ATAD3B: variants seen among roughly 807,000 people sequenced by gnomAD.
The protein encoded by ATAD3B is ATPase family AAA domain-containing protein 3B.
In ATAD3B, 59 loss-of-function variants were observed where a neutral mutation model predicts 70.2. The ratio of observed to expected loss-of-function variants is 0.84; its 90% CI spans 0.68 to 1.04. ATAD3B has a LOEUF of 1.04. Ranked by LOEUF, ATAD3B falls within the 50% of genes least tolerant of loss-of-function variation. The probability of loss-of-function intolerance (pLI) is 0.00; values close to 1 mark genes in which losing one functional copy is unlikely to be tolerated. For missense variants in ATAD3B, 961 were observed against 913.4 expected, an observed-to-expected ratio of 1.05 and a Z score of -0.67; for synonymous variants, 423 against 388.6, an observed-to-expected ratio of 1.09 and a Z score of -1.04.
At chr1:1,497,966 G>C (rs1340011936), downstream of ATAD3B, 1 of 150,906 alleles carries the variant, frequency 6.6e-6, no homozygotes, top group Non-Finnish European at 1.5e-5. Context: ...ATGAGTTTGA[G>C]AACAGCATGG....
In ATAD3B at chr1:1,489,833, C is replaced by A. The variant is rs764812345; in HGVS notation, c.1338-424C>A. On this transcript the variant is annotated intron_variant, in intron 13 of 15. Transcript: ENST00000673477. Reference sequence around the variant, plus strand: ...TCAGGTCCTTCCCAGAGAGGCAAGGCTGGGGCCCTGCTGAGCCTCTGCTGA... The same window carrying A: ...TCAGGTCCTTCCCAGAGAGGCAAGGATGGGGCCCTGCTGAGCCTCTGCTGA... 1.7e-5 allele frequency: 21 copies of A among 1,242,414 alleles called. 1 individual carries two copies. The highest frequency in any genetic ancestry group is 6.0e-5 in the Admixed American group (2 of 33,382). The allele number at this position is 1,242,414 out of a possible 1,614,324, so 77.0% of individuals were successfully genotyped here. A position where few individuals can be genotyped will look rare whatever the true frequency, so the allele number is the denominator to read the frequency against.
At chr1:1,506,793 T>C in the ATAD3B span, among the ~76,000 whole-genome samples, 5 of 148,164 alleles carry the variant, frequency 3.4e-5, no homozygotes, top group South Asian at 2.1e-4. Context: ...TTTTCTTTTT[T>C]TTTTTTTTTT....
In ATAD3B at chr1:1,496,137, T is replaced by G; in HGVS notation, c.*320T>G. 8.9e-7 allele frequency: 1 copy of G among 1,117,512 alleles called. No homozygotes were observed. 69.2% of individuals were successfully genotyped at this position (1,117,512 alleles called of 1,614,324 possible). A position where few individuals can be genotyped will look rare whatever the true frequency, so the allele number is the denominator to read the frequency against. On this transcript the variant is annotated 3_prime_UTR_variant, in exon 16 of 16. Transcript: ENST00000673477. ...GGGTGTCTGAGGCCGCCCTGTCAGC[T>G]GGCCGGTCCAAGCCTGTGGCTGGAG...
intron 11 of ATAD3B, among the ~76,000 whole-genome samples, chr1:1,487,043 T>C (rs1454969682): frequency 1.3e-5 from 2 of 151,760 alleles, no homozygotes; most frequent in African/African-American, 2.4e-5. Flanking sequence ...GAAAGTTAGC[T>C]GAAGACAGCA....
chr1:1,500,874 A>C (rs1036897264), downstream of ATAD3B, among the ~76,000 whole-genome samples: 3 of 149,024 alleles, frequency 2.0e-5, no homozygotes, highest in African/African-American at 7.4e-5. Context: ...GGAGAATGGC[A>C]TGAACCCGGG....
Position 1,486,167 on chromosome 1 carries a change from A to T in ATAD3B, c.1021A>T (p.Asn341Tyr). ...IAIATRNTKK[N>Y]RGLYRHILLY... ...CATAGCAACCAGGAACACCAAGAAG[A>T]ACCGGGGCCTGTACAGGCACATCCT... Residue 341 changes from asparagine to tyrosine, a missense_variant, in exon 10 of 16, where the codon AAC becomes TAC. Asn to Tyr is a moderately radical substitution (Grantham distance 143). Coordinates refer to ENST00000673477, the MANE Select transcript of ATAD3B (RefSeq NM_031921.6). 6.2e-7 allele frequency: 1 copy of T among 1,613,252 alleles called. No homozygotes were observed. The highest frequency in any genetic ancestry group is 8.5e-7 in the Non-Finnish European group (1 of 1,179,632).
chr1:1,474,235 G>A, intron 1 of ATAD3B, among the ~76,000 whole-genome samples: 1 of 150,968 alleles, frequency 6.6e-6, no homozygotes, highest in Non-Finnish European at 1.5e-5. Flanking sequence ...CTGTCGCCCA[G>A]GCTGGAGTGC....
intron 4 of ATAD3B, among the ~76,000 whole-genome samples, chr1:1,479,641 AC>A (rs1639795511): frequency 7.2e-6 from 1 of 138,140 alleles, no homozygotes; most frequent in African/African-American, 2.8e-5. Flanking sequence ...CACAGCCCGC[AC>A]ACACACAGGT....
In ATAD3B at chr1:1,497,107, C is replaced by G. The variant is rs1640819525; in HGVS notation, c.*1290C>G. On this transcript the variant is annotated 3_prime_UTR_variant, in exon 16 of 16. Coordinates refer to ENST00000673477, the MANE Select transcript of ATAD3B (RefSeq NM_031921.6). Reference sequence around the variant, plus strand: ...AGAGGAGCCTGGGCACGCAACGGTCCCATCGGAGAGCAGACCCCTCGGAGC... The same window carrying G: ...AGAGGAGCCTGGGCACGCAACGGTCGCATCGGAGAGCAGACCCCTCGGAGC... 6.6e-6 allele frequency: 1 copy of G among 151,948 alleles called. No individual in the cohort carries two copies. 9.4% of individuals were successfully genotyped at this position (151,948 alleles called of 1,614,324 possible). A position where few individuals can be genotyped will look rare whatever the true frequency, so the allele number is the denominator to read the frequency against.
chr1:1,481,756 C>T (rs1268300913), intron 5 of ATAD3B, among the ~76,000 whole-genome samples: 2 of 151,314 alleles, frequency 1.3e-5, no homozygotes, highest in Non-Finnish European at 3.0e-5. Flanking sequence ...TTGCCTAGGC[C>T]TCTGGGTCGG....
intron 9 of ATAD3B, 32 bp downstream of exon 9, chr1:1,485,870 C>T: frequency 6.2e-7 from 1 of 1,612,540 alleles, no homozygotes; most frequent in Non-Finnish European, 8.5e-7. Flanking sequence ...CGGGGAGGTG[C>T]AGGGAGGGGA....
chr1:1,481,847 G>A (rs1002402261), intron 5 of ATAD3B, among the ~76,000 whole-genome samples: 1 of 152,180 alleles, frequency 6.6e-6, no homozygotes, highest in African/African-American at 2.4e-5. Context: ...GCACGGGCCT[G>A]TCCATGGACT....
chr1:1,474,531 G>C (rs1199407483), intron 1 of ATAD3B, among the ~76,000 whole-genome samples: 1 of 133,290 alleles, frequency 7.5e-6, no homozygotes, highest in Non-Finnish European at 1.6e-5. Context: ...ACTGAGTCTG[G>C]CTCTGCCGCC....
At chr1:1,485,900 T>C (rs965043522) in intron 9 of ATAD3B, 62 bp downstream of exon 9, 22 of 1,610,928 alleles carry the variant, frequency 1.4e-5, no homozygotes, top group Non-Finnish European at 1.8e-5. Context: ...TGGGCTGGGC[T>C]GTGGCCCTTG....
At chr1:1,480,763 A>G in intron 4 of ATAD3B, 104 bp from the exon 5 acceptor site, 1 of 1,553,638 alleles carries the variant, frequency 6.4e-7, no homozygotes, top group South Asian at 1.2e-5. Flanking sequence ...GGTGCCCAGG[A>G]CGCTTGGAGT....
intron 13 of ATAD3B, 161 bp downstream of exon 13, chr1:1,489,435 G>A (rs570068425): frequency 9.9e-6 from 13 of 1,314,582 alleles, no homozygotes; most frequent in African/African-American, 5.9e-5. Flanking sequence ...GGGACAGCAC[G>A]GGGTGTCATT....
chr1:1,507,881 C>A, the ATAD3B span, among the ~76,000 whole-genome samples: 1 of 152,250 alleles, frequency 6.6e-6, no homozygotes, highest in Non-Finnish European at 1.5e-5. Flanking sequence ...AGCTCCCGGG[C>A]CTGGGGCCTC....
downstream of ATAD3B, among the ~76,000 whole-genome samples, chr1:1,498,570 TCTC>T (rs1187791066): frequency 2.0e-5 from 3 of 151,746 alleles, no homozygotes; most frequent in Non-Finnish European, 2.9e-5. Flanking sequence ...ATTGGGTTTT[TCTC>T]CTCTCCTATT....
At chr1:1,481,962 G>A (rs1639929021) in intron 5 of ATAD3B, among the ~76,000 whole-genome samples, 176 bp from the exon 6 acceptor site, 4 of 145,588 alleles carry the variant, frequency 2.7e-5, no homozygotes, top group Admixed American at 1.4e-4. Flanking sequence ...CGTGGTGCGG[G>A]CCTGTCCGTG....
Sources: gnomAD v4.1 joint callset for allele counts (sites outside exome capture counted in the v4.1 genomes callset) on GRCh38, gnomAD v4.1.1 for gene constraint, MANE v1.5 for transcripts, NCBI Gene and HGNC (gene_info 2026-07-23, HGNC 2026-07-21) for gene names.